AHNAK: variants seen among roughly 807,000 people sequenced by gnomAD.
AHNAK encodes the protein AHNAK nucleoprotein.
Under a neutral mutation model 37.8 loss-of-function variants are expected in AHNAK, and 23 were observed. That is an observed-to-expected ratio of 0.61 (90% confidence interval 0.44 to 0.86). The LOEUF (loss-of-function observed/expected upper bound fraction) is 0.86, where lower values mean the gene tolerates loss of function less well. Among genes scored for constraint, AHNAK ranks in the 40% least tolerant of loss-of-function variants. The pLI is 0.00. For synonymous variants in AHNAK, 2,481 were observed against 2,636.3 expected (o/e 0.94, Z 1.80); for missense variants, 7,411 against 7,319.4 (o/e 1.01, Z -0.46).
rs754005617 is a variant in AHNAK, at chr11:62,529,225, T to G, written c.5192A>C (p.Glu1731Ala). Residue 1731 changes from glutamate to alanine, a missense_variant, in exon 5 of 5, where the codon GAA (glutamate) becomes GCA (alanine). By Grantham distance (107) the Glu-to-Ala change is moderately radical. Transcript: ENST00000378024. ...SMPGFKAEGP[E>A]VDVNLPKADI... The stretch of plus-strand genomic sequence containing the variant: ...AGCCTTTGGCAGATTCACATCCACT[T>G]CAGGGCCCTCTGCTTTGAAGCCAGG... 24 of 1,614,092 alleles carry G rather than the reference T, an allele frequency of 1.5e-5. No homozygotes were observed. Among genetic ancestry groups the G allele is most frequent in the Middle Eastern group, 1.6e-4 (1 of 6,084 alleles).
chr11:62,539,277 CT>C (rs1312572668), intron 1 of AHNAK, among the ~76,000 whole-genome samples: 3 of 152,248 alleles, frequency 2.0e-5, no homozygotes, highest in Non-Finnish European at 4.4e-5. Context: ...CAGACTTCAT[CT>C]CTCAGACAGA....
intron 5 of AHNAK, among the ~76,000 whole-genome samples, chr11:62,478,540 T>G (rs998445961): frequency 6.6e-5 from 10 of 151,322 alleles, no homozygotes; most frequent in Non-Finnish European, 1.3e-4. Context: ...AGCCCAGGAG[T>G]TCCTGACCAA....
intron 5 of AHNAK, among the ~76,000 whole-genome samples, chr11:62,454,143 G>A (rs1938601098): frequency 1.3e-5 from 2 of 151,584 alleles, no homozygotes; most frequent in South Asian, 4.2e-4. Flanking sequence ...GCTGGGTACG[G>A]TGGCTCATGC....
downstream of AHNAK, chr11:62,515,872 C>A (rs2134186688): frequency 1.8e-6 from 2 of 1,110,764 alleles, no homozygotes; most frequent in East Asian, 1.3e-4. Context: ...TTTCACGCCC[C>A]CGCAACACAG....
chr11:62,534,990 G>A lies in AHNAK; in HGVS notation c.342+13C>T. ...GGGAGCTCAGGGCACAGATGGGCCG[G>A]CGAGGTACTCACCAGAACCACTTCA... On this transcript the variant is annotated intron_variant, in intron 4 of 4. Coordinates refer to ENST00000378024, the MANE Select transcript of AHNAK (RefSeq NM_001620.3). 1 of 1,596,466 alleles carries A rather than the reference G, an allele frequency of 6.3e-7. No homozygotes were observed. Among genetic ancestry groups the A allele is most frequent in the Non-Finnish European group, 8.6e-7 (1 of 1,166,642 alleles).
At position 62,494,872 on chromosome 11, in the gene AHNAK, C is replaced by A. The variant is rs192660021; in HGVS notation, c.343-3041G>T. Among the ~76,000 whole-genome samples, 10 of 151,928 alleles carry A rather than the reference C, an allele frequency of 6.6e-5. No homozygotes were observed. The East Asian group carries it at 1.5e-3, about 23-fold the overall frequency. ...AAAATTAGCATGGCGTGATGGCGGG[C>A]GCCTGTAATCTCAGCTACTCAGGAG... On this transcript the variant is annotated intron_variant, in intron 4 of 5. Transcript: ENST00000257247.
chr11:62,470,915 G>T (rs1939022834), intron 5 of AHNAK, among the ~76,000 whole-genome samples: 1 of 152,132 alleles, frequency 6.6e-6, no homozygotes, highest in Admixed American at 6.5e-5. Flanking sequence ...AAGATGCTGG[G>T]CCTGTTCCAG....
At position 62,528,436 on chromosome 11, in the gene AHNAK, A is replaced by G; in HGVS notation, c.5981T>C (p.Val1994Ala). The change falls in exon 5 of 5, where the codon GTG (valine) becomes GCG (alanine). Residue 1994 changes from valine to alanine, a missense_variant. Coordinates refer to ENST00000378024, the MANE Select transcript of AHNAK (RefSeq NM_001620.3). ...TTTGGGGCCTTTCAGGTGTAAGTCC[A>G]CATCAGGCATGGAGATCTTGGGGGT... ...FKTPKISMPD[V>A]DLHLKGPKVK... The G allele has an allele frequency of 6.2e-7, 1 of 1,613,670 alleles. No homozygotes were observed. Among genetic ancestry groups the G allele is most frequent in the Non-Finnish European group, 8.5e-7 (1 of 1,179,964 alleles).
chr11:62,534,130 T>C, intron 4 of AHNAK, 56 bp from the exon 5 acceptor site: 1 of 1,490,658 alleles, frequency 6.7e-7, no homozygotes, highest in Non-Finnish European at 8.9e-7. Flanking sequence ...AGTTAGCAGA[T>C]GCCCGGCCAC....
rs191604279 is a variant in AHNAK, at chr11:62,529,382, C to T, written c.5035G>A (p.Glu1679Lys). The T allele has an allele frequency of 1.6e-5, 26 of 1,614,072 alleles. No homozygotes were observed. In the Admixed American group the frequency reaches 2.7e-4, roughly 17 times the overall value. ...GDMDVSVPKV[E>K]GEMKVPDVDI... ...ACATCTGGCACTTTCATTTCACCTT[C>T]TACCTTGGGCACAGACACATCCATA... The change falls in exon 5 of 5, where the codon GAA becomes AAA. Residue 1679 changes from glutamate to lysine, a missense_variant. Physicochemically the swap from Glu to Lys is moderately conservative, Grantham distance 56 (BLOSUM62 1). Transcript: ENST00000378024.
Position 62,523,734 on chromosome 11 carries a change from C to T in AHNAK, c.10683G>A (p.Val3561=). Residue 3561 remains valine, a synonymous_variant, in exon 5 of 5, where the codon GTG becomes GTA. Coordinates refer to ENST00000378024, the MANE Select transcript of AHNAK (RefSeq NM_001620.3). ...NLKGPKVKGD[V]DISLPKLEGD... ...CTTCAAGTTTGGGAAGAGAAATATC[C>T]ACATCACCTTTCACCTTGGGGCCTT... The T allele has an allele frequency of 6.2e-7, 1 of 1,613,410 alleles. No homozygotes were observed. The highest frequency in any genetic ancestry group is 8.5e-7 in the Non-Finnish European group (1 of 1,179,874).
intron 5 of AHNAK, among the ~76,000 whole-genome samples, chr11:62,487,739 G>A (rs1939421326): frequency 6.6e-6 from 1 of 152,220 alleles, no homozygotes; most frequent in African/African-American, 2.4e-5. Flanking sequence ...GCAGCTGACT[G>A]AAGTGTTACC....
At chr11:62,479,167 C>CTTTTTTTTTTTTTTTT (rs33929407) in intron 5 of AHNAK, among the ~76,000 whole-genome samples, 5 of 116,252 alleles carry the variant, frequency 4.3e-5, no homozygotes, top group South Asian at 2.7e-4. Flanking sequence ...TTTCTTTTTT[C>CTTTTTTTTTTTTTTTT]TTTTTTTTTT....
In AHNAK at chr11:62,519,169, G is replaced by A. The variant is rs1371782817; in HGVS notation, c.15248C>T (p.Thr5083Met). The part of the protein sequence containing the change: ...VDVKSPKTKK[T>M]MFGKMYFPDV... ...TGGGAAGTACATTTTTCCAAACATC[G>A]TTTTCTTGGTTTTGGGCGATTTCAC... is the stretch of plus-strand genomic sequence containing the variant. Residue 5083 changes from threonine (T) to methionine (M), a missense_variant, in exon 5 of 5, where the codon ACG becomes ATG. Thr to Met is a moderately conservative substitution (Grantham distance 81). Coordinates refer to ENST00000378024, the MANE Select transcript of AHNAK (RefSeq NM_001620.3). The A allele has an allele frequency of 1.9e-6, 3 of 1,613,026 alleles. No individual in the cohort carries two copies. The highest frequency in any genetic ancestry group is 2.2e-5 in the South Asian group (2 of 90,792).
chr11:62,455,602 G>A (rs1938639147), intron 5 of AHNAK, among the ~76,000 whole-genome samples: 1 of 152,092 alleles, frequency 6.6e-6, no homozygotes, highest in Non-Finnish European at 1.5e-5. Flanking sequence ...CTACTCAGGA[G>A]GCTGAGGCAG....
At position 62,527,226 on chromosome 11, in the gene AHNAK, G is replaced by A; in HGVS notation, c.7191C>T (p.Ser2397=). 1 of 1,613,138 alleles carries A rather than the reference G, an allele frequency of 6.2e-7. No homozygotes were observed. Among genetic ancestry groups the A allele is most frequent in the Non-Finnish European group, 8.5e-7 (1 of 1,179,626 alleles). The change falls in exon 5 of 5, where the codon AGC becomes AGT. Residue 2397 remains serine (S), a synonymous_variant. Transcript: ENST00000378024. Reference sequence around the variant, plus strand: ...CATCCACCTCTCCTTTTGCCTTGGGGCTCTTCAAGTGTAGATCGAGGTCTG... The same window carrying A: ...CATCCACCTCTCCTTTTGCCTTGGGACTCTTCAAGTGTAGATCGAGGTCTG... ...SMPDLDLHLK[S]PKAKGEVDVD...
At position 62,522,877 on chromosome 11, in the gene AHNAK, A is replaced by G. The variant is rs753626461; in HGVS notation, c.11540T>C (p.Val3847Ala). 2.5e-6 allele frequency: 4 copies of G among 1,612,504 alleles called. No individual in the cohort carries two copies. The highest frequency in any genetic ancestry group is 1.7e-4 in the Middle Eastern group (1 of 6,050). Residue 3847 changes from valine to alanine, a missense_variant, in exon 5 of 5, where the codon GTG becomes GCG. By Grantham distance (64) the Val-to-Ala change is moderately conservative. Transcript: ENST00000378024. The stretch of plus-strand genomic sequence containing the variant: ...CTTTCCCTCTGGGCCTTCGATATTC[A>G]CATCTGGAACATCAATGTCCACCTT... ...GPKVDIDVPDVNIEGPEGKLK... is the reference protein window; with the variant it reads ...GPKVDIDVPDANIEGPEGKLK...
rs191021427 is a variant in AHNAK at position 62,487,590 on chromosome 11, G to A, written c.442+4142C>T. Reference sequence around the variant, plus strand: ...CGGCTCACTGCAACCTCCCCCTCCCGGGTTCAAGCGATTCACCTGCCTCAA... The same window carrying A: ...CGGCTCACTGCAACCTCCCCCTCCCAGGTTCAAGCGATTCACCTGCCTCAA... On this transcript the variant is annotated intron_variant, in intron 5 of 5. Coordinates refer to the AHNAK transcript ENST00000257247. Among the ~76,000 whole-genome samples, 11 of 152,132 alleles carry A rather than the reference G, an allele frequency of 7.2e-5. No individual in the cohort carries two copies. In the East Asian group the frequency reaches 9.6e-4, roughly 13 times the overall value.
chr11:62,509,535 A>G (rs556765703), intron 4 of AHNAK, among the ~76,000 whole-genome samples: 6 of 151,898 alleles, frequency 4.0e-5, no homozygotes, highest in Non-Finnish European at 8.8e-5. Flanking sequence ...GGGTGACAAG[A>G]GTGAAACTCC....
Sources: allele counts gnomAD v4.1 joint callset (sites outside exome capture counted in the v4.1 genomes callset), GRCh38; gene constraint gnomAD v4.1.1; transcripts MANE v1.5; gene names NCBI Gene and HGNC (gene_info 2026-07-23, HGNC 2026-07-21).